The following OLFM2 variants were observed in gnomAD, a reference collection of about 807,000 sequenced individuals.
OLFM2 encodes the protein noelin-2.
A neutral mutation model predicts 43.9 loss-of-function variants in OLFM2; 20 were observed. The observed-to-expected ratio is 0.46, with a 90% CI of 0.32 to 0.66. OLFM2 has a LOEUF of 0.66. Among genes scored for constraint, OLFM2 ranks in the 30% least tolerant of loss-of-function variants. The probability of loss-of-function intolerance (pLI) is 0.04; values close to 1 mark genes in which losing one functional copy is unlikely to be tolerated. For missense variants in OLFM2, 416 were observed against 643.6 expected, an observed-to-expected ratio of 0.65 and a Z score of 3.83; for synonymous variants, 268 against 278.6, an observed-to-expected ratio of 0.96 and a Z score of 0.38.
At chr19:9,928,829 A>G (rs758854190) in intron 1 of OLFM2, among the ~76,000 whole-genome samples, 18 of 151,412 alleles carry the variant, frequency 1.2e-4, no homozygotes, top group Non-Finnish European at 2.1e-4. Context: ...AGAGAAAGAG[A>G]ATAAGCTTTT....
At chr19:9,925,903 G>A (rs567531617) in intron 1 of OLFM2, among the ~76,000 whole-genome samples, 1 of 151,830 alleles carries the variant, frequency 6.6e-6, no homozygotes, top group African/African-American at 2.4e-5. Context: ...GGAAGGCTGA[G>A]GTGAGAGGAT....
intron 1 of OLFM2, among the ~76,000 whole-genome samples, chr19:9,925,389 C>T (rs73018077): frequency 0.4 from 61,056 of 151,976 alleles, 12,334 homozygotes; most frequent in Non-Finnish European, 0.44. Flanking sequence ...TGTAAAATAG[C>T]GCAGTCGCCG....
At chr19:9,870,089 G>A (rs1466293482) in intron 1 of OLFM2, among the ~76,000 whole-genome samples, 1 of 151,898 alleles carries the variant, frequency 6.6e-6, no homozygotes, top group African/African-American at 2.4e-5. Context: ...TTGTAGAGGT[G>A]GAGTCTCACT....
intron 1 of OLFM2, among the ~76,000 whole-genome samples, chr19:9,887,489 C>G (rs564367215): frequency 6.6e-6 from 1 of 151,992 alleles, no homozygotes; most frequent in South Asian, 2.1e-4. Context: ...CCCTCTCTTT[C>G]TCTTATACCA....
At position 9,857,425 on chromosome 19, in the gene OLFM2, T is replaced by G. The variant is rs2145430519; in HGVS notation, c.418A>C (p.Lys140Gln). Residue 140 changes from lysine to glutamine, a missense_variant, in exon 4 of 6, where the codon AAG (lysine) becomes CAG (glutamine). Lys to Gln is a moderately conservative substitution (Grantham distance 53, BLOSUM62 1). Coordinates refer to ENST00000264833, the MANE Select transcript of OLFM2 (RefSeq NM_058164.4). This position sits in a 1 kb window ranked among gnomAD's most constrained non-coding sequence, Gnocchi z 5.7. ...CGTACAATGGTCCGCGTGTCTGCCT[T>G]GTACTGCTCCAGGACCGAGCTCAGG... ...LPLSSVLEQY[K>Q]ADTRTIVRLR... 6.2e-7 allele frequency: 1 copy of G among 1,614,128 alleles called. No homozygotes were observed. The highest frequency in any genetic ancestry group is 8.5e-7 in the Non-Finnish European group (1 of 1,180,018).
rs141742593 is a variant in OLFM2 at position 9,857,281 on chromosome 19, C to T, written c.562G>A (p.Ala188Thr). ...RVMALEARLH[A>T]CAQKLGCGKL... ...GGCATACCCAGCTTCTGGGCGCAGG[C>T]GTGGAGCCGGGCCTCCAGGGCCATC... Residue 188 changes from alanine to threonine, a missense_variant, in exon 4 of 6, where the codon GCC becomes ACC. Coordinates refer to ENST00000264833, the MANE Select transcript of OLFM2 (RefSeq NM_058164.4). The surrounding 1 kb of genome is among the most constrained non-coding windows in gnomAD (Gnocchi z 5.7). 356 of 1,613,912 alleles carry T rather than the reference C, an allele frequency of 2.2e-4. 1 individual carries two copies. Among genetic ancestry groups the T allele is most frequent in the Non-Finnish European group, 2.8e-4 (336 of 1,180,024 alleles).
chr19:9,900,233 G>A (rs1482838414), intron 1 of OLFM2, among the ~76,000 whole-genome samples: 1 of 152,056 alleles, frequency 6.6e-6, no homozygotes. Context: ...GAGGTGTCAG[G>A]GAAGAGCTAA....
rs1323029720 is a variant in OLFM2, at chr19:9,854,925, C to T, written c.688-62G>A. Reference sequence around the variant, plus strand: ...CACCAACGACCCAAGGGTCCCAGCACCAGCTACAGCCATTAGAGTTCAACA... The same window carrying T: ...CACCAACGACCCAAGGGTCCCAGCATCAGCTACAGCCATTAGAGTTCAACA... On this transcript the variant is annotated intron_variant, in intron 5 of 5. Transcript: ENST00000264833. The surrounding 1 kb of genome is among the most constrained non-coding windows in gnomAD (Gnocchi z 9.5). 2.3e-6 allele frequency: 3 copies of T among 1,282,284 alleles called. No individual in the cohort carries two copies. Among genetic ancestry groups the T allele is most frequent in the Non-Finnish European group, 3.2e-6 (3 of 938,604 alleles). The allele number at this position is 1,282,284 out of a possible 1,614,324, so 79.4% of individuals were successfully genotyped here.
chr19:9,860,607 T>G lies in OLFM2; in HGVS notation c.213+38A>C, dbSNP rs543237752. 7 of 1,554,804 alleles carry G rather than the reference T, an allele frequency of 4.5e-6. No homozygotes were observed. In the South Asian group the frequency reaches 8.3e-5, roughly 18 times the overall value. On this transcript the variant is annotated intron_variant, in intron 2 of 5. Transcript: ENST00000264833. ...GAGGGCGGGGTGAGAACTGGGAGATTTTCCCAGCTGCCCCCAGGGTACCTG... is the reference window on the plus strand; with the variant it reads ...GAGGGCGGGGTGAGAACTGGGAGATGTTCCCAGCTGCCCCCAGGGTACCTG...
chr19:9,924,261 C>T (rs1198645511), intron 1 of OLFM2, among the ~76,000 whole-genome samples: 1 of 150,882 alleles, frequency 6.6e-6, no homozygotes, highest in Non-Finnish European at 1.5e-5. Flanking sequence ...AAAAAATTAC[C>T]TGGGCGTGGT....
At chr19:9,907,446 C>G (rs545293895) in intron 1 of OLFM2, among the ~76,000 whole-genome samples, 1 of 151,288 alleles carries the variant, frequency 6.6e-6, no homozygotes, top group Non-Finnish European at 1.5e-5. Flanking sequence ...TGGGTGAGAG[C>G]GAGATTCTAT....
At chr19:9,899,239 TG>T in intron 1 of OLFM2, among the ~76,000 whole-genome samples, 1 of 151,434 alleles carries the variant, frequency 6.6e-6, no homozygotes, top group Non-Finnish European at 1.5e-5. Context: ...CACTCCAGCC[TG>T]GGCAACAGAA....
At chr19:9,860,544 T>C (rs2046358875) in intron 2 of OLFM2, 101 bp downstream of exon 2, 2 of 1,273,286 alleles carry the variant, frequency 1.6e-6, no homozygotes, top group Admixed American at 2.0e-5. Context: ...ATAATTTGCA[T>C]AGCTGGATAT....
chr19:9,882,924 C>T (rs2046552327), intron 1 of OLFM2, among the ~76,000 whole-genome samples: 1 of 145,310 alleles, frequency 6.9e-6, no homozygotes. Context: ...AAAAGCCAGG[C>T]GCAGTGGCTC....
intron 1 of OLFM2, among the ~76,000 whole-genome samples, chr19:9,914,786 A>G (rs7246734): frequency 0.44 from 66,773 of 151,710 alleles, 15,066 homozygotes; most frequent in Admixed American, 0.56. Flanking sequence ...GCGCCGGGCT[A>G]GTTTTAATTT....
intron 1 of OLFM2, among the ~76,000 whole-genome samples, chr19:9,862,889 C>T (rs188031193): frequency 5.8e-4 from 88 of 151,480 alleles, no homozygotes; most frequent in South Asian, 8.3e-4. Context: ...GCAGGAGAAT[C>T]GCTTGAACCT....
intron 1 of OLFM2, among the ~76,000 whole-genome samples, chr19:9,870,380 G>T (rs550226076): frequency 6.6e-6 from 1 of 152,270 alleles, no homozygotes; most frequent in Non-Finnish European, 1.5e-5. Flanking sequence ...AAAGTCCAAC[G>T]AGGGAGAGAG....
intron 1 of OLFM2, among the ~76,000 whole-genome samples, chr19:9,881,264 T>C (rs1344490789): frequency 6.6e-6 from 1 of 152,180 alleles, no homozygotes; most frequent in Non-Finnish European, 1.5e-5. Flanking sequence ...AAAACAGTCA[T>C]TTCATTCCAG....
chr19:9,910,089 C>T (rs1432246896), intron 1 of OLFM2, among the ~76,000 whole-genome samples: 1 of 152,096 alleles, frequency 6.6e-6, no homozygotes, highest in Non-Finnish European at 1.5e-5. Flanking sequence ...CGAATCCCAG[C>T]TTCTTAGGAG....
Sources: gnomAD v4.1 joint callset for allele counts (sites outside exome capture counted in the v4.1 genomes callset) on GRCh38, gnomAD v4.1.1 for gene constraint, Gnocchi (gnomAD v3.1) non-coding constraint, MANE v1.5 for transcripts, NCBI Gene and HGNC (gene_info 2026-07-23, HGNC 2026-07-21) for gene names.